Variants in CACNB2 observed in about 807,000 individuals in gnomAD.
CACNB2 encodes the protein voltage-dependent L-type calcium channel subunit beta-2.
CACNB2 carries 42 observed loss-of-function variants against 73.3 expected under a neutral mutation model. The observed-to-expected ratio is 0.57, with a 90% CI of 0.45 to 0.74. CACNB2 has a LOEUF of 0.74. Among genes scored for constraint, CACNB2 ranks in the 30% least tolerant of loss-of-function variants. The pLI, the probability that CACNB2 is intolerant of heterozygous loss-of-function variation, is 0.00. For synonymous variants in CACNB2, 348 were observed against 310.3 expected (o/e 1.12, Z -1.28); for missense variants, 940 against 853.0 (o/e 1.10, Z -1.27).
intron 3 of CACNB2, among the ~76,000 whole-genome samples, chr10:18,485,865 G>A (rs1204099371): frequency 6.6e-6 from 1 of 150,942 alleles, no homozygotes; most frequent in East Asian, 1.9e-4. Flanking sequence ...TTACTGATGT[G>A]AGCCACCGTG....
intron 2 of CACNB2, chr10:18,206,033 G>C (rs954266995): frequency 6.6e-6 from 1 of 152,578 alleles, no homozygotes; most frequent in Non-Finnish European, 1.5e-5. Flanking sequence ...TGTCACCCAG[G>C]GTAGAGTGCA....
At chr10:18,208,907 A>G (rs1053746276) in intron 2 of CACNB2, among the ~76,000 whole-genome samples, 13 of 152,190 alleles carry the variant, frequency 8.5e-5, no homozygotes, top group African/African-American at 2.9e-4. Flanking sequence ...ATATGAACCC[A>G]GGGCGATGTT....
At chr10:18,372,434 T>G (rs1170122468) in intron 2 of CACNB2, among the ~76,000 whole-genome samples, 1 of 152,074 alleles carries the variant, frequency 6.6e-6, no homozygotes, top group Non-Finnish European at 1.5e-5. Flanking sequence ...TGAGATGGAG[T>G]TTCACTGTTG....
chr10:18,375,110 C>T (rs1039739567), intron 2 of CACNB2, among the ~76,000 whole-genome samples: 6 of 152,000 alleles, frequency 3.9e-5, no homozygotes, highest in Middle Eastern at 3.2e-3. Context: ...CCCAGCTACT[C>T]GGGAGGCAGG....
At chr10:18,375,061 T>G (rs2042738992) in intron 2 of CACNB2, among the ~76,000 whole-genome samples, 1 of 151,850 alleles carries the variant, frequency 6.6e-6, no homozygotes. Flanking sequence ...CTACAAAAAT[T>G]TAAAAAATTA....
intron 2 of CACNB2, among the ~76,000 whole-genome samples, chr10:18,334,008 G>A (rs114639408): frequency 0.038 from 5,744 of 152,274 alleles, 183 homozygotes; most frequent in Admixed American, 0.093. Context: ...GAATTCCTGA[G>A]GTTCTCCTCT....
chr10:18,493,241 T>A (rs2132959144), intron 3 of CACNB2, among the ~76,000 whole-genome samples: 1 of 152,268 alleles, frequency 6.6e-6, no homozygotes, highest in East Asian at 1.9e-4. Flanking sequence ...CAATCTCGGG[T>A]CACTGCAGCC....
In CACNB2 at chr10:18,421,422, G is replaced by T. The variant is rs186750805; in HGVS notation, c.333+19379G>T. ...AAGTGATTCTCTGGCCTCAGCCTCC[G>T]GAGTAGCTGGGATTACAGGAATGCA... On this transcript the variant is annotated intron_variant, in intron 3 of 13. Coordinates refer to ENST00000324631, the MANE Select transcript of CACNB2 (RefSeq NM_201596.3). Among the ~76,000 whole-genome samples, 399 of 151,344 alleles carry T rather than the reference G, an allele frequency of 2.6e-3. 4 individuals are homozygous for T. Among genetic ancestry groups the T allele is most frequent in the South Asian group, 0.019 (89 of 4,776 alleles).
At chr10:18,208,056 T>G (rs11013005) in intron 2 of CACNB2, among the ~76,000 whole-genome samples, 28 of 152,154 alleles carry the variant, frequency 1.8e-4, no homozygotes, top group African/African-American at 6.0e-4. Context: ...ATTAGTTGCA[T>G]CTTTCTTGTC....
chr10:18,307,156 G>C (rs907360705), intron 2 of CACNB2, among the ~76,000 whole-genome samples: 1 of 152,118 alleles, frequency 6.6e-6, no homozygotes, highest in African/African-American at 2.4e-5. Context: ...TACCTCAAAA[G>C]TTGGTAAATA....
chr10:18,182,978 T>C (rs1264450535), intron 2 of CACNB2, among the ~76,000 whole-genome samples: 1 of 152,160 alleles, frequency 6.6e-6, no homozygotes, highest in Non-Finnish European at 1.5e-5. Flanking sequence ...GAAAATAGTA[T>C]ACAAATTGAA....
chr10:18,311,865 A>C (rs1412651243), intron 2 of CACNB2, among the ~76,000 whole-genome samples: 2 of 152,068 alleles, frequency 1.3e-5, no homozygotes, highest in Non-Finnish European at 2.9e-5. Flanking sequence ...CCTGGTAGGG[A>C]CCCCTACAGT....
intron 2 of CACNB2, among the ~76,000 whole-genome samples, chr10:18,324,198 A>G (rs2040497671): frequency 6.6e-6 from 1 of 152,182 alleles, no homozygotes; most frequent in African/African-American, 2.4e-5. Context: ...TACAGGGAGG[A>G]GAATTATATA....
In CACNB2 at chr10:18,487,562, C is replaced by T. The variant is rs114775576; in HGVS notation, c.334-10793C>T. Among the ~76,000 whole-genome samples, 539 of 152,206 alleles carry T rather than the reference C, an allele frequency of 3.5e-3. 4 individuals are homozygous for T. The highest frequency in any genetic ancestry group is 0.012 in the African/African-American group (499 of 41,548). ...AAGATGAGTGATTTGTGGAGGGGCG[C>T]GGTGGCTCACGCCTGTTATCCCAGC... is the stretch of plus-strand genomic sequence containing the variant. On this transcript the variant is annotated intron_variant, in intron 3 of 13. Transcript: ENST00000324631.
chr10:18,248,985 A>C (rs1215121902), intron 2 of CACNB2, among the ~76,000 whole-genome samples: 1 of 151,962 alleles, frequency 6.6e-6, no homozygotes, highest in Non-Finnish European at 1.5e-5. Flanking sequence ...ATCCACCTGC[A>C]CTCAATTCTA....
At chr10:18,491,848 G>T (rs79991689) in intron 3 of CACNB2, among the ~76,000 whole-genome samples, 1 of 33,924 alleles carries the variant, frequency 2.9e-5, no homozygotes, top group Non-Finnish European at 6.4e-5. Flanking sequence ...AAAAAAAAAA[G>T]CCTGAGCGTT....
At chr10:18,442,960 A>AAATAAGGAACT in intron 3 of CACNB2, among the ~76,000 whole-genome samples, 1 of 30,780 alleles carries the variant, frequency 3.2e-5, no homozygotes, top group East Asian at 3.3e-3. Context: ...ATATATATGT[A>AAATAAGGAACT]TATATATATG....
At chr10:18,534,258 A>G (rs749803985) in intron 11 of CACNB2, 31 bp downstream of exon 11, 2 of 1,578,360 alleles carry the variant, frequency 1.3e-6, no homozygotes, top group South Asian at 2.2e-5. Context: ...TTGCTCTATA[A>G]TCAAACTTTC....
intron 3 of CACNB2, among the ~76,000 whole-genome samples, chr10:18,411,613 A>G (rs773084368): frequency 1.3e-5 from 2 of 151,460 alleles, no homozygotes; most frequent in Non-Finnish European, 2.9e-5. Flanking sequence ...GGTTCAAGCA[A>G]TTCTCCTGCC....
Sources: gnomAD v4.1 joint callset for allele counts (sites outside exome capture counted in the v4.1 genomes callset) on GRCh38, gnomAD v4.1.1 for gene constraint, MANE v1.5 for transcripts, NCBI Gene and HGNC (gene_info 2026-07-23, HGNC 2026-07-21) for gene names.